Variants in PCDHGA9 observed in about 807,000 individuals in gnomAD.
PCDHGA9 encodes the protein protocadherin gamma subfamily A, 9, also known as protocadherin gamma-A9.
Under a neutral mutation model 62.5 loss-of-function variants are expected in PCDHGA9, and 37 were observed. The observed-to-expected ratio is 0.59, with a 90% CI of 0.46 to 0.78. The LOEUF (loss-of-function observed/expected upper bound fraction) is 0.78. PCDHGA9 is among the 30% of genes least tolerant of loss of function. The pLI is 0.00. For synonymous variants in PCDHGA9, 459 were observed against 484.6 expected (o/e 0.95, Z 0.69); for missense variants, 1,138 against 1,166.2 (o/e 0.98, Z 0.35).
chr5:141,485,986 G>T lies in PCDHGA9; in HGVS notation c.2425-8821G>T, dbSNP rs2099622467. The T allele has an allele frequency of 1.2e-6, 2 of 1,614,084 alleles. No homozygotes were observed. Among genetic ancestry groups the T allele is most frequent in the African/African-American group, 1.3e-5 (1 of 74,936 alleles). On this transcript the variant is annotated intron_variant, in intron 1 of 3. Transcript: ENST00000573521. This position sits in a 1 kb window ranked among gnomAD's most constrained non-coding sequence, Gnocchi z 5.7. ...AGCTCAATGCCTCAGACCCGGACCT[G>T]GGTCCCAGTGGTAACGTCACCTTTT...
At chr5:141,446,035 A>G (rs1300621298) in intron 1 of PCDHGA9, among the ~76,000 whole-genome samples, 1 of 152,222 alleles carries the variant, frequency 6.6e-6, no homozygotes, top group Non-Finnish European at 1.5e-5. Context: ...CTGGTAAGAA[A>G]TGGAAGAAGA....
chr5:141,403,527 C>G lies in PCDHGA9; in HGVS notation c.575C>G (p.Pro192Arg). The G allele has an allele frequency of 3.1e-6, 5 of 1,614,022 alleles. No homozygotes were observed. The South Asian group carries it at 5.5e-5, about 18-fold the overall frequency. The stretch of plus-strand genomic sequence containing the variant: ...ACTGGAGACAATGGAGCCATAAACC[C>G]AGAGCTGGTGCTGGAGCGCGCCCTG... ...VQTGDNGAIN[P>R]ELVLERALDR... Residue 192 changes from proline to arginine, a missense_variant, in exon 1 of 4, where the codon CCA becomes CGA. Pro to Arg is a moderately radical substitution (Grantham distance 103, BLOSUM62 -2). Coordinates refer to ENST00000573521, the MANE Select transcript of PCDHGA9 (RefSeq NM_018921.3).
At position 141,487,074 on chromosome 5, in the gene PCDHGA9, T is replaced by C; in HGVS notation, c.2425-7733T>C. The C allele has an allele frequency of 6.2e-7, 1 of 1,614,104 alleles. No homozygotes were observed. The highest frequency in any genetic ancestry group is 8.5e-7 in the Non-Finnish European group (1 of 1,179,978). Reference sequence around the variant, plus strand: ...GGGGAGGTGCGGACGGCTGTTCCTATCCCAGCTGACCTCCCACCACAGAAG... The same window carrying C: ...GGGGAGGTGCGGACGGCTGTTCCTACCCCAGCTGACCTCCCACCACAGAAG... On this transcript the variant is annotated intron_variant, in intron 1 of 3. Transcript: ENST00000573521. The surrounding 1 kb of genome is among the most constrained non-coding windows in gnomAD (Gnocchi z 5.0).
intron 1 of PCDHGA9, chr5:141,439,815 T>C (rs1027862858): frequency 5.3e-5 from 8 of 152,314 alleles, no homozygotes; most frequent in African/African-American, 1.9e-4. Flanking sequence ...AAGGGGCTTA[T>C]TTGGGCTGGA....
In PCDHGA9 at chr5:141,404,343, A is replaced by G. The variant is rs2094516679; in HGVS notation, c.1391A>G (p.Asn464Ser). Reference sequence around the variant, plus strand: ...TCCTACTCAGTCTACCTCCCGGAAAACAACGCCAGAGGTACTTCCATCTTC... The same window carrying G: ...TCCTACTCAGTCTACCTCCCGGAAAGCAACGCCAGAGGTACTTCCATCTTC... ...QASYSVYLPE[N>S]NARGTSIFSV... is the part of the protein sequence containing the mutation. Residue 464 changes from asparagine (N) to serine (S), a missense_variant, in exon 1 of 4, where the codon AAC becomes AGC. Transcript: ENST00000573521. 3.1e-6 allele frequency: 5 copies of G among 1,613,902 alleles called. No individual in the cohort carries two copies. Among genetic ancestry groups the G allele is most frequent in the Non-Finnish European group, 4.2e-6 (5 of 1,179,850 alleles).
At position 141,480,148 on chromosome 5, in the gene PCDHGA9, G is replaced by C. The variant is rs139861128; in HGVS notation, c.2425-14659G>C. On this transcript the variant is annotated intron_variant, in intron 1 of 3. Transcript: ENST00000573521. ...ATAACTGTTAAACAATTATTAGCCA[G>C]CTCCTAGCATTTTGGGAGGCTGAGG... 9.2e-4 allele frequency among the ~76,000 whole-genome samples: 140 copies of C among 152,036 alleles called. 1 individual carries two copies. The highest frequency in any genetic ancestry group is 3.1e-3 in the African/African-American group (127 of 41,470).
rs60063068 is a variant in PCDHGA9, at chr5:141,477,262, C to T, written c.2425-17545C>T. The T allele has an allele frequency of 1.9e-4, 313 of 1,614,138 alleles. No individual in the cohort carries two copies. In the African/African-American group the frequency reaches 3.7e-3, roughly 19 times the overall value. On this transcript the variant is annotated intron_variant, in intron 1 of 3. Coordinates refer to ENST00000573521, the MANE Select transcript of PCDHGA9 (RefSeq NM_018921.3). This position sits in a 1 kb window ranked among gnomAD's most constrained non-coding sequence, Gnocchi z 4.9. ...TCAGTGTGACTGACCTGGATGCTGG[C>T]GAGAACGGGCTGGTGACCTGCGAAG...
In PCDHGA9 at chr5:141,476,933, GA is replaced by G; in HGVS notation, c.2425-17872del. 1 of 1,614,176 alleles carries G rather than the reference GA, an allele frequency of 6.2e-7. No individual in the cohort carries two copies. Reference sequence around the variant, plus strand: ...ACAAGTCCTTGCAACGGATCTGGATGAAGGCCCCAACGGTGAAATTATTTAC... The same window carrying G: ...ACAAGTCCTTGCAACGGATCTGGATGAGGCCCCAACGGTGAAATTATTTAC... On this transcript the variant is annotated intron_variant, in intron 1 of 3. Transcript: ENST00000573521. This position sits in a 1 kb window ranked among gnomAD's most constrained non-coding sequence, Gnocchi z 7.6.
intron 1 of PCDHGA9, among the ~76,000 whole-genome samples, chr5:141,482,458 C>G (rs986628162): frequency 1.4e-5 from 2 of 147,624 alleles, no homozygotes; most frequent in African/African-American, 2.6e-5. Flanking sequence ...ATTAGCATCC[C>G]TATGTGCCAG....
rs930862898 is a variant in PCDHGA9 at position 141,480,073 on chromosome 5, C to A, written c.2425-14734C>A. ...GGAATAATAAGTGTTTTATAAGATT[C>A]ATGCATGATATAATGTATGCAAAGT... On this transcript the variant is annotated intron_variant, in intron 1 of 3. Coordinates refer to ENST00000573521, the MANE Select transcript of PCDHGA9 (RefSeq NM_018921.3). Among the ~76,000 whole-genome samples, 5 of 152,174 alleles carry A rather than the reference C, an allele frequency of 3.3e-5. No homozygotes were observed. In the South Asian group the frequency reaches 8.3e-4, roughly 25 times the overall value.
intron 2 of PCDHGA9, among the ~76,000 whole-genome samples, chr5:141,499,800 C>A (rs2099794584): frequency 6.6e-6 from 1 of 150,704 alleles, no homozygotes; most frequent in Admixed American, 6.7e-5. Context: ...AATTCTCATG[C>A]TTCAGCCTCC....
At chr5:141,429,486 A>C (rs2097218130) in intron 1 of PCDHGA9, among the ~76,000 whole-genome samples, 1 of 152,114 alleles carries the variant, frequency 6.6e-6, no homozygotes, top group Non-Finnish European at 1.5e-5. Context: ...AGTAGCTGAG[A>C]CTACAGTTGC....
chr5:141,475,106 G>T (rs1182368610), intron 1 of PCDHGA9, among the ~76,000 whole-genome samples: 6 of 152,220 alleles, frequency 3.9e-5, no homozygotes, highest in Admixed American at 2.0e-4. Context: ...ATCCTAGGTG[G>T]TAAATAGGCC....
intron 1 of PCDHGA9, chr5:141,419,333 A>T (rs1219255880): frequency 6.2e-7 from 1 of 1,613,804 alleles, no homozygotes; most frequent in South Asian, 1.1e-5. Context: ...CTACTCTCTC[A>T]TTGCCAGCGA....
At chr5:141,471,444 A>G (rs1366430114) in intron 1 of PCDHGA9, 1 of 152,150 alleles carries the variant, frequency 6.6e-6, no homozygotes, top group Non-Finnish European at 1.5e-5. Context: ...AATCTCATGT[A>G]CCTTTTGAAA....
chr5:141,446,988 C>T (rs548721486), intron 1 of PCDHGA9, among the ~76,000 whole-genome samples: 1 of 152,154 alleles, frequency 6.6e-6, no homozygotes, highest in Non-Finnish European at 1.5e-5. Flanking sequence ...TCATACTCCA[C>T]TCTTCAGACT....
chr5:141,434,106 T>C (rs1195019110), intron 1 of PCDHGA9, among the ~76,000 whole-genome samples: 1 of 152,236 alleles, frequency 6.6e-6, no homozygotes, highest in Non-Finnish European at 1.5e-5. Context: ...TGTCCCAGGA[T>C]TGGCCTTTGG....
chr5:141,433,651 C>T (rs905489069), intron 1 of PCDHGA9, among the ~76,000 whole-genome samples: 3 of 152,064 alleles, frequency 2.0e-5, no homozygotes, highest in Non-Finnish European at 2.9e-5. Context: ...GCCTGACCAA[C>T]ATGGAGAAAC....
rs757065593 is a variant in PCDHGA9, at chr5:141,418,576, C to G, written c.2424+13200C>G. 1.5e-5 allele frequency: 25 copies of G among 1,614,012 alleles called. No homozygotes were observed. In the South Asian group the frequency reaches 2.7e-4, roughly 18 times the overall value. On this transcript the variant is annotated intron_variant, in intron 1 of 3. Transcript: ENST00000573521. ...TGGTAATAGATGCCAATGACAACCCCCCAGTGTTCAGCCAGGACGTGTACA... is the reference window on the plus strand; with the variant it reads ...TGGTAATAGATGCCAATGACAACCCGCCAGTGTTCAGCCAGGACGTGTACA...
Sources: gnomAD v4.1 joint callset for allele counts (sites outside exome capture counted in the v4.1 genomes callset) on GRCh38, gnomAD v4.1.1 for gene constraint, Gnocchi (gnomAD v3.1) non-coding constraint, MANE v1.5 for transcripts, NCBI Gene and HGNC (gene_info 2026-07-23, HGNC 2026-07-21) for gene names.